The following NRK variants were observed in gnomAD, a reference collection of about 807,000 sequenced individuals.
NRK encodes the protein Nik related kinase, also known as nik-related protein kinase.
A neutral mutation model predicts 125.2 loss-of-function variants in NRK; 67 were observed. The ratio of observed to expected loss-of-function variants is 0.54; its 90% CI spans 0.44 to 0.66. NRK has a LOEUF of 0.66. Among genes scored for constraint, NRK ranks in the 30% least tolerant of loss-of-function variants. The pLI is 0.00. For synonymous variants in NRK, 458 were observed against 429.0 expected (o/e 1.07, Z -0.84); for missense variants, 1,224 against 1,192.9 (o/e 1.03, Z -0.38).
Position 105,908,910 on chromosome X carries a change from C to A in NRK, c.1269C>A (p.Asp423Glu). 8.3e-7 allele frequency: 1 copy of A among 1,210,288 alleles called. No homozygotes were observed. The highest frequency in any genetic ancestry group is 2.2e-5 in the Admixed American group (1 of 45,974). Residue 423 changes from aspartate to glutamate, a missense_variant, in exon 13 of 29, where the codon GAC (aspartate) becomes GAA (glutamate). Transcript: ENST00000243300. ...TATTCATGCCACTGCAGGCTCTGGA[C>A]AGTGCACCTAAGCCTCTAAAGGGGC... ...ARVFMPLQAL[D>E]SAPKPLKGQA...
At chrX:105,929,005 C>G (rs182135930) in intron 19 of NRK, among the ~76,000 whole-genome samples, 4 of 111,715 alleles carry the variant, frequency 3.6e-5, no homozygotes, top group African/African-American at 1.3e-4. Flanking sequence ...TTCATTTGGT[C>G]TATGCTGCAG....
At chrX:105,883,904 G>A (rs970097262) in intron 4 of NRK, among the ~76,000 whole-genome samples, 14 of 112,654 alleles carry the variant, frequency 1.2e-4, no homozygotes, top group African/African-American at 4.5e-4. Context: ...AGTCTTATGC[G>A]GTGCCAGGTA....
intron 2 of NRK, among the ~76,000 whole-genome samples, chrX:105,876,656 G>C (rs758344596): frequency 9.0e-6 from 1 of 111,694 alleles, no homozygotes; most frequent in Admixed American, 9.5e-5. Flanking sequence ...CTTTCTTAAC[G>C]TTCTAAAACT....
chrX:105,826,426 T>C (rs2039114046), intron 1 of NRK, among the ~76,000 whole-genome samples: 1 of 92,883 alleles, frequency 1.1e-5, no homozygotes, highest in African/African-American at 4.1e-5. Context: ...CTAGTATGCC[T>C]GTGTCCTTGA....
chrX:105,903,055 T>C (rs1480141878), intron 9 of NRK, among the ~76,000 whole-genome samples: 3 of 110,929 alleles, frequency 2.7e-5, no homozygotes, highest in African/African-American at 9.9e-5. Context: ...ATAATAATCA[T>C]CCAAACATCA....
chrX:105,840,682 A>G (rs913164898), intron 2 of NRK, among the ~76,000 whole-genome samples: 3 of 111,293 alleles, frequency 2.7e-5, no homozygotes, highest in Non-Finnish European at 5.7e-5. Context: ...TTTTTAATAT[A>G]TTAGTCCTAG....
At chrX:105,939,437 C>T (rs2040707684) in intron 22 of NRK, among the ~76,000 whole-genome samples, 2 of 111,068 alleles carry the variant, frequency 1.8e-5, no homozygotes, top group Admixed American at 1.9e-4. Context: ...ACAAAGATAC[C>T]CATATTGCTG....
At chrX:105,893,068 C>T (rs2040035015) in intron 5 of NRK, among the ~76,000 whole-genome samples, 1 of 111,691 alleles carries the variant, frequency 9.0e-6, no homozygotes, top group Non-Finnish European at 1.9e-5. Flanking sequence ...CTTTAGTTAA[C>T]TCATATTACC....
At chrX:105,934,997 C>T (rs1375673410) in intron 20 of NRK, among the ~76,000 whole-genome samples, 173 bp from the exon 21 acceptor site, 1 of 110,843 alleles carries the variant, frequency 9.0e-6, no homozygotes, top group Admixed American at 9.6e-5. Context: ...TTGGCTAAGT[C>T]GTGTCTCATT....
intron 2 of NRK, among the ~76,000 whole-genome samples, chrX:105,846,534 C>G (rs1258088131): frequency 1.8e-5 from 2 of 111,517 alleles, no homozygotes; most frequent in Non-Finnish European, 3.8e-5. Flanking sequence ...AGGAATAACA[C>G]TTCTGTAGAT....
intron 14 of NRK, among the ~76,000 whole-genome samples, chrX:105,915,290 T>C (rs1284087571): frequency 1.8e-5 from 2 of 110,890 alleles, no homozygotes; most frequent in African/African-American, 6.5e-5. Flanking sequence ...AGGATGAGTG[T>C]ATAAGAATTA....
intron 5 of NRK, among the ~76,000 whole-genome samples, chrX:105,891,348 G>A (rs1329654733): frequency 1.8e-5 from 2 of 111,824 alleles, no homozygotes; most frequent in Non-Finnish European, 1.9e-5. Context: ...TTTGGTCAAG[G>A]ATGTCTTTAT....
chrX:105,938,370 A>G (rs2040692859), intron 22 of NRK, among the ~76,000 whole-genome samples: 1 of 111,996 alleles, frequency 8.9e-6, no homozygotes, highest in Admixed American at 9.5e-5. Flanking sequence ...GTTGCACACT[A>G]ATGATTTTGT....
chrX:105,856,598 G>A (rs1022050746), intron 2 of NRK, among the ~76,000 whole-genome samples: 2 of 110,888 alleles, frequency 1.8e-5, no homozygotes, highest in Admixed American at 9.6e-5. Context: ...CCACAGGACC[G>A]CTGACTGTTT....
intron 2 of NRK, among the ~76,000 whole-genome samples, chrX:105,879,432 G>A (rs1174969227): frequency 9.0e-6 from 1 of 110,909 alleles, no homozygotes; most frequent in Admixed American, 9.7e-5. Context: ...GAAGGTACCA[G>A]CCACAAAATA....
chrX:105,830,219 C>T lies in NRK; in HGVS notation c.58-835C>T, dbSNP rs945879561. On this transcript the variant is annotated intron_variant, in intron 1 of 28. Transcript: ENST00000243300. Reference sequence around the variant, plus strand: ...AGCTCAGCTACTCGGGAGGCTGAGGCAGGACAATCACTTGAATTCGGGAGG... The same window carrying T: ...AGCTCAGCTACTCGGGAGGCTGAGGTAGGACAATCACTTGAATTCGGGAGG... Among the ~76,000 whole-genome samples the T allele has an allele frequency of 3.1e-5, 3 of 96,508 alleles. No homozygotes were observed. The East Asian group carries it at 1.1e-3, about 35-fold the overall frequency. 83.8% of individuals were successfully genotyped at this position (96,508 alleles called of 115,157 possible). A position where few individuals can be genotyped will look rare whatever the true frequency, so the allele number is the denominator to read the frequency against.
At chrX:105,869,405 T>C (rs1442331722) in intron 2 of NRK, among the ~76,000 whole-genome samples, 3 of 111,108 alleles carry the variant, frequency 2.7e-5, no homozygotes, top group African/African-American at 9.8e-5. Context: ...TTTTTCCTCA[T>C]CATCATCTTT....
intron 15 of NRK, 94 bp from the exon 16 acceptor site, chrX:105,917,484 T>C (rs747830310): frequency 8.6e-5 from 39 of 455,921 alleles, no homozygotes; most frequent in Non-Finnish European, 1.2e-4. Flanking sequence ...TACCCATATA[T>C]TTAAACAAAA....
chrX:105,908,985 A>G lies in NRK; in HGVS notation c.1344A>G (p.Pro448=). The G allele has an allele frequency of 1.7e-6, 2 of 1,209,804 alleles. No individual in the cohort carries two copies. Among genetic ancestry groups the G allele is most frequent in the Non-Finnish European group, 2.2e-6 (2 of 894,043 alleles). Reference sequence around the variant, plus strand: ...AAGGGGCAGCTCGGGTGTTCATGCCACTACAGGCTCAGGTGAAGGCTAAGG... The same window carrying G: ...AAGGGGCAGCTCGGGTGTTCATGCCGCTACAGGCTCAGGTGAAGGCTAAGG... ...RLQGAARVFM[P]LQAQVKAKAS... The change falls in exon 13 of 29, where the codon CCA becomes CCG. Residue 448 remains proline, a synonymous_variant. Coordinates refer to ENST00000243300, the MANE Select transcript of NRK (RefSeq NM_198465.4).
Sources: gnomAD v4.1 joint callset for allele counts (sites outside exome capture counted in the v4.1 genomes callset) on GRCh38, gnomAD v4.1.1 for gene constraint, MANE v1.5 for transcripts, NCBI Gene and HGNC (gene_info 2026-07-23, HGNC 2026-07-21) for gene names.